MAF: variants seen among roughly 807,000 people sequenced by gnomAD.
MAF encodes the protein transcription factor Maf.
In MAF, 10 loss-of-function variants were observed where a neutral mutation model predicts 22.0. The ratio of observed to expected loss-of-function variants is 0.45; its 90% CI spans 0.28 to 0.77. MAF has a LOEUF of 0.77. Among genes scored for constraint, MAF ranks in the 30% least tolerant of loss-of-function variants. MAF has a pLI of 0.12. For missense variants in MAF, 544 were observed against 548.4 expected, an observed-to-expected ratio of 0.99 and a Z score of 0.08; for synonymous variants, 337 against 255.8, an observed-to-expected ratio of 1.32 and a Z score of -3.03.
the MAF span, among the ~76,000 whole-genome samples, chr16:79,334,110 G>A: frequency 6.6e-6 from 1 of 152,336 alleles, no homozygotes; most frequent in African/African-American, 2.4e-5. Flanking sequence ...ATGCTCAAGA[G>A]AAGTAACTTC....
chr16:79,256,240 G>C, the MAF span, among the ~76,000 whole-genome samples: 1 of 151,448 alleles, frequency 6.6e-6, no homozygotes, highest in Admixed American at 6.6e-5. Flanking sequence ...CGCCTGCCTC[G>C]GCCTCCCAGA....
chr16:79,525,613 C>G, the MAF span, among the ~76,000 whole-genome samples: 1 of 152,088 alleles, frequency 6.6e-6, no homozygotes, highest in East Asian at 1.9e-4. Context: ...ATGTACGCTG[C>G]GTACTTTTTA....
intron 1 of MAF, chr16:79,598,155 A>G (rs1326719018): frequency 2.9e-6 from 3 of 1,050,526 alleles, no homozygotes; most frequent in East Asian, 5.5e-5. Flanking sequence ...GAGAAGAAAA[A>G]AAAACTTTGC....
the MAF span, among the ~76,000 whole-genome samples, chr16:79,521,104 A>G: frequency 6.6e-6 from 1 of 152,246 alleles, no homozygotes; most frequent in Non-Finnish European, 1.5e-5. Context: ...TAAAGCAAGA[A>G]TGCATCGAAA....
the MAF span, among the ~76,000 whole-genome samples, chr16:79,342,643 C>T: frequency 7.2e-5 from 11 of 151,962 alleles, no homozygotes; most frequent in Non-Finnish European, 8.8e-5. Flanking sequence ...TCACCATTAC[C>T]GTCACCATCA....
chr16:79,282,901 T>C, the MAF span, among the ~76,000 whole-genome samples: 6 of 152,178 alleles, frequency 3.9e-5, no homozygotes, highest in African/African-American at 9.7e-5. Context: ...GGGTCCTATT[T>C]GCTTATGAGT....
the MAF span, chr16:79,212,708 G>GTTTGTT: frequency 1.3e-5 from 2 of 148,560 alleles, no homozygotes; most frequent in African/African-American, 4.9e-5. Flanking sequence ...GTTTGTTTCA[G>GTTTGTT]TTTGTTTTTG....
chr16:79,486,656 G>A, the MAF span, among the ~76,000 whole-genome samples: 109,669 of 152,140 alleles, frequency 0.72, 39,877 homozygotes, highest in East Asian at 0.85. Flanking sequence ...TGCCTTTAAT[G>A]TGCTAATTAA....
At chr16:79,417,724 G>C in the MAF span, among the ~76,000 whole-genome samples, 1 of 152,260 alleles carries the variant, frequency 6.6e-6, no homozygotes, top group East Asian at 1.9e-4. Flanking sequence ...GGCTGTCAGA[G>C]TGTTTTCTCT....
At chr16:79,420,863 G>C in the MAF span, among the ~76,000 whole-genome samples, 1 of 152,058 alleles carries the variant, frequency 6.6e-6, no homozygotes, top group Non-Finnish European at 1.5e-5. Flanking sequence ...AACCCCTGCC[G>C]TCTCTACTAA....
chr16:79,466,202 T>G, the MAF span, among the ~76,000 whole-genome samples: 1 of 152,216 alleles, frequency 6.6e-6, no homozygotes, highest in African/African-American at 2.4e-5. Context: ...TCGGAATTCC[T>G]CTGGACCTCA....
At chr16:79,212,175 G>A in the MAF span, 2 of 1,478,778 alleles carry the variant, frequency 1.4e-6, no homozygotes, top group Non-Finnish European at 1.8e-6. Flanking sequence ...GGCCACCACT[G>A]CAGCCGGGGG....
the MAF span, among the ~76,000 whole-genome samples, chr16:79,378,103 A>T: frequency 1.3e-5 from 2 of 152,154 alleles, no homozygotes; most frequent in Admixed American, 1.3e-4. Context: ...CACTGAATCT[A>T]TAAATTACCT....
At chr16:79,429,871 G>C in the MAF span, among the ~76,000 whole-genome samples, 2 of 152,306 alleles carry the variant, frequency 1.3e-5, no homozygotes, top group Middle Eastern at 3.4e-3. Flanking sequence ...CCCAGGAAAG[G>C]TGTCACCATA....
At chr16:79,341,328 A>G in the MAF span, among the ~76,000 whole-genome samples, 1 of 152,206 alleles carries the variant, frequency 6.6e-6, no homozygotes, top group Non-Finnish European at 1.5e-5. Flanking sequence ...TATGGTGAGA[A>G]TTAAATGAGC....
the MAF span, among the ~76,000 whole-genome samples, chr16:79,505,085 T>G: frequency 1.3e-5 from 2 of 152,338 alleles, no homozygotes; most frequent in East Asian, 3.9e-4. Context: ...AGCTACGTTT[T>G]CAAACACAGA....
the MAF span, among the ~76,000 whole-genome samples, chr16:79,514,759 T>C: frequency 1.1e-4 from 17 of 152,334 alleles, no homozygotes; most frequent in African/African-American, 3.8e-4. Flanking sequence ...AGGGACTCCA[T>C]TGTTTTCTGG....
the MAF span, among the ~76,000 whole-genome samples, chr16:79,476,225 C>G: frequency 0.18 from 28,085 of 152,106 alleles, 2,970 homozygotes; most frequent in East Asian, 0.43. Flanking sequence ...ATGAGACCCT[C>G]TTGATTGCAA....
the MAF span, among the ~76,000 whole-genome samples, chr16:79,365,688 G>A: frequency 3.3e-5 from 5 of 152,124 alleles, no homozygotes; most frequent in Non-Finnish European, 4.4e-5. Context: ...AGGCTGAATT[G>A]GCTGAGATCA....
Sources: gnomAD v4.1 joint callset for allele counts (sites outside exome capture counted in the v4.1 genomes callset) on GRCh38, gnomAD v4.1.1 for gene constraint, MANE v1.5 for transcripts, NCBI Gene and HGNC (gene_info 2026-07-23, HGNC 2026-07-21) for gene names.